Variants in SEMA3A observed in about 807,000 individuals in gnomAD.
The protein encoded by SEMA3A is semaphorin 3A, also known as semaphorin-3A.
In SEMA3A, 29 loss-of-function variants were observed where a neutral mutation model predicts 97.9. That is an observed-to-expected ratio of 0.30 (90% CI 0.22 to 0.40). The LOEUF (loss-of-function observed/expected upper bound fraction) is 0.40, where lower values mean the gene tolerates loss of function less well. Among genes scored for constraint, SEMA3A ranks in the 10% least tolerant of loss-of-function variants. SEMA3A has a pLI of 1.00. For missense variants in SEMA3A, 763 were observed against 951.3 expected, an observed-to-expected ratio of 0.80 and a Z score of 2.60; for synonymous variants, 321 against 323.7, an observed-to-expected ratio of 0.99 and a Z score of 0.09.
intron 3 of SEMA3A, among the ~76,000 whole-genome samples, chr7:84,219,198 T>C (rs1798818374): frequency 1.3e-5 from 2 of 152,184 alleles, no homozygotes; most frequent in Non-Finnish European, 2.9e-5. Flanking sequence ...TAATTATTTA[T>C]TCTTATATCT....
intron 15 of SEMA3A, among the ~76,000 whole-genome samples, chr7:83,967,153 A>T (rs1480213340): frequency 1.3e-5 from 2 of 152,172 alleles, no homozygotes; most frequent in Admixed American, 1.3e-4. Context: ...GGGTGTTCAG[A>T]AGTAAAAAAT....
intron 3 of SEMA3A, among the ~76,000 whole-genome samples, chr7:84,277,069 A>G (rs1201846953): frequency 6.6e-6 from 1 of 152,070 alleles, no homozygotes; most frequent in Non-Finnish European, 1.5e-5. Context: ...CTCTATATCA[A>G]TTATTTTACA....
At chr7:84,209,056 TC>T (rs1020909672) in intron 3 of SEMA3A, among the ~76,000 whole-genome samples, 2 of 152,236 alleles carry the variant, frequency 1.3e-5, no homozygotes, top group African/African-American at 4.8e-5. Flanking sequence ...CATTTTAGAA[TC>T]TTATTGTTCC....
chr7:84,062,703 T>A (rs1390302681), intron 4 of SEMA3A, among the ~76,000 whole-genome samples: 1 of 152,216 alleles, frequency 6.6e-6, no homozygotes, highest in African/African-American at 2.4e-5. Context: ...AATACTGCGC[T>A]TTTCCGGCGG....
intron 4 of SEMA3A, among the ~76,000 whole-genome samples, chr7:84,105,005 G>A (rs951967542): frequency 2.6e-5 from 4 of 152,108 alleles, no homozygotes; most frequent in Non-Finnish European, 4.4e-5. Context: ...TAGTGCAAAT[G>A]AGGGATATGC....
chr7:84,069,962 T>C (rs1255530778), intron 4 of SEMA3A, among the ~76,000 whole-genome samples: 3 of 152,136 alleles, frequency 2.0e-5, no homozygotes, highest in Non-Finnish European at 2.9e-5. Flanking sequence ...CATAGACCAC[T>C]ATCTGGCTTT....
intron 2 of SEMA3A, among the ~76,000 whole-genome samples, chr7:84,325,147 CT>C (rs1306232511): frequency 8.6e-6 from 1 of 116,564 alleles, no homozygotes; most frequent in East Asian, 2.4e-4. Context: ...ATCTATCTAT[CT>C]ATCTATCTAT....
chr7:84,271,249 G>A (rs1584189450), intron 3 of SEMA3A, among the ~76,000 whole-genome samples: 1 of 151,894 alleles, frequency 6.6e-6, no homozygotes, highest in Non-Finnish European at 1.5e-5. Context: ...GTGAAGATGC[G>A]CAGTCATAGC....
chr7:84,054,314 A>T (rs1244855743), intron 5 of SEMA3A, among the ~76,000 whole-genome samples: 1 of 152,232 alleles, frequency 6.6e-6, no homozygotes, highest in East Asian at 1.9e-4. Flanking sequence ...GTGTTTTCCA[A>T]CTTGGTTCCA....
chr7:84,439,418 G>A (rs566899275), intron 1 of SEMA3A, among the ~76,000 whole-genome samples: 170 of 152,224 alleles, frequency 1.1e-3, no homozygotes, highest in African/African-American at 3.7e-3. Flanking sequence ...TAAAACTACT[G>A]TGTTATTTTA....
chr7:84,214,465 T>C (rs763519617), intron 3 of SEMA3A, among the ~76,000 whole-genome samples: 1 of 152,214 alleles, frequency 6.6e-6, no homozygotes, highest in Non-Finnish European at 1.5e-5. Flanking sequence ...TAGAATGATA[T>C]AGATTCTTAT....
At chr7:84,139,798 A>G (rs932966115) in intron 1 of SEMA3A, among the ~76,000 whole-genome samples, 4 of 152,094 alleles carry the variant, frequency 2.6e-5, no homozygotes, top group African/African-American at 7.2e-5. Context: ...ATAGATTTCT[A>G]TTTAAGAGTA....
rs771702803 is a variant in SEMA3A at position 83,961,621 on chromosome 7, T to C, written c.2066A>G (p.Lys689Arg). ...AGGTGTCATGCTATTGGACATTTCT[T>C]TGGTCTTAGAGCCATCTCCATCATC... The part of the protein sequence containing the change: ...KDDDGDGSKT[K>R]EMSNSMTPSQ... Residue 689 changes from lysine to arginine, a missense_variant, in exon 17 of 17, where the codon AAA (lysine) becomes AGA (arginine). Lys to Arg is a conservative substitution (Grantham distance 26). Transcript: ENST00000265362. 7 of 1,613,986 alleles carry C rather than the reference T, an allele frequency of 4.3e-6. No homozygotes were observed. The highest frequency in any genetic ancestry group is 5.1e-6 in the Non-Finnish European group (6 of 1,179,982).
rs67315788 is a variant in SEMA3A, at chr7:84,162,583, ATTT to A, written c.113-27635_113-27633del. 1.3e-3 allele frequency among the ~76,000 whole-genome samples: 200 copies of A among 151,410 alleles called. 2 individuals are homozygous for A. Among genetic ancestry groups the A allele is most frequent in the African/African-American group, 4.5e-3 (187 of 41,290 alleles). On this transcript the variant is annotated intron_variant, in intron 1 of 16. Coordinates refer to ENST00000265362, the MANE Select transcript of SEMA3A (RefSeq NM_006080.3). ...ATTTGTCTTTTGGCTCATATCCTCAATTTTTTTTTAAAAAAAAATAGATATGAT... is the reference window on the plus strand; with the variant it reads ...ATTTGTCTTTTGGCTCATATCCTCAATTTTTTAAAAAAAAATAGATATGAT...
In SEMA3A at chr7:84,314,171, C is replaced by T. The variant is rs190824356; in HGVS notation, c.-168-6879G>A. On this transcript the variant is annotated intron_variant, in intron 2 of 3. Coordinates refer to the SEMA3A transcript ENST00000424555. The stretch of plus-strand genomic sequence containing the variant: ...TTCTAAAATTGGTCTATATCCTAGA[C>T]ATTTTAATAGTCTGATGTCTATAAA... Among the ~76,000 whole-genome samples the T allele has an allele frequency of 3.9e-5, 6 of 152,128 alleles. No individual in the cohort carries two copies. The East Asian group carries it at 1.2e-3, about 29-fold the overall frequency.
chr7:84,411,684 T>A (rs940240511), intron 1 of SEMA3A, among the ~76,000 whole-genome samples: 3 of 151,870 alleles, frequency 2.0e-5, no homozygotes, highest in African/African-American at 4.8e-5. Flanking sequence ...TATTGAAAAA[T>A]TTTTAGGCTT....
At chr7:84,356,815 T>C (rs896760683) in intron 2 of SEMA3A, among the ~76,000 whole-genome samples, 7 of 136,860 alleles carry the variant, frequency 5.1e-5, no homozygotes, top group Non-Finnish European at 7.8e-5. Context: ...TGACTATAAA[T>C]ACAGAAAAAA....
intron 6 of SEMA3A, among the ~76,000 whole-genome samples, chr7:84,027,722 C>T (rs1293986245): frequency 6.6e-6 from 1 of 152,156 alleles, no homozygotes; most frequent in Non-Finnish European, 1.5e-5. Flanking sequence ...AAGAAGCTGT[C>T]ACAGTATCCA....
chr7:84,128,919 T>C (rs113631268), intron 3 of SEMA3A, among the ~76,000 whole-genome samples: 6 of 152,268 alleles, frequency 3.9e-5, no homozygotes, highest in Non-Finnish European at 4.4e-5. Flanking sequence ...CTTTAGGCTA[T>C]GGTTATACTA....
Sources: gnomAD v4.1 joint callset for allele counts (sites outside exome capture counted in the v4.1 genomes callset) on GRCh38, gnomAD v4.1.1 for gene constraint, MANE v1.5 for transcripts, NCBI Gene and HGNC (gene_info 2026-07-23, HGNC 2026-07-21) for gene names.